AGT: variants seen among roughly 807,000 people sequenced by gnomAD.
The protein encoded by AGT is alpha-1 antiproteinase, antitrypsin.
In AGT, 26 loss-of-function variants were observed where a neutral mutation model predicts 28.1. The observed-to-expected ratio is 0.92, with a 90% CI of 0.68 to 1.28. The LOEUF is 1.28. AGT is among the 50% of genes most tolerant of loss of function. AGT has a pLI of 0.00. For synonymous variants in AGT, 259 were observed against 259.6 expected, an observed-to-expected ratio of 1.00 and a Z score of 0.02; for missense variants, 596 against 592.3, an observed-to-expected ratio of 1.01 and a Z score of -0.06.
intron 1 of AGT, among the ~76,000 whole-genome samples, chr1:230,738,642 G>A (rs1348672726): frequency 6.6e-6 from 1 of 152,148 alleles, no homozygotes; most frequent in African/African-American, 2.4e-5. Flanking sequence ...GCTGGCTAAT[G>A]CTACCTTGCC....
chr1:230,741,322 G>A (rs1017725908), intron 1 of AGT, among the ~76,000 whole-genome samples: 2 of 152,224 alleles, frequency 1.3e-5, no homozygotes, highest in East Asian at 3.9e-4. Flanking sequence ...GGCCAGAGCT[G>A]AGAGAAGCTA....
intron 1 of AGT, among the ~76,000 whole-genome samples, chr1:230,727,291 T>C (rs893017688): frequency 1.4e-4 from 21 of 152,216 alleles, no homozygotes; most frequent in Admixed American, 6.5e-5. Context: ...CCTTAACCCA[T>C]GGGTGGCCCC....
At chr1:230,704,395 G>A in intron 3 of AGT, 58 bp from the exon 4 acceptor site, 4 of 1,598,048 alleles carry the variant, frequency 2.5e-6, no homozygotes, top group Non-Finnish European at 3.4e-6. Context: ...GGCTCTCCCA[G>A]AGGCCAGGCA....
rs532745330 is a variant in AGT at position 230,739,179 on chromosome 1, G to A, written c.-31+6336C>T. On this transcript the variant is annotated intron_variant, in intron 1 of 4. Transcript: ENST00000681269. ...TCAAGACCAGTGTGGGCAACATACT[G>A]AGACTCCCTCCTCTACAGGTTTTTT... is the stretch of plus-strand genomic sequence containing the variant. 6.7e-5 allele frequency among the ~76,000 whole-genome samples: 10 copies of A among 150,006 alleles called. No homozygotes were observed. In the East Asian group the frequency reaches 2.0e-3, roughly 29 times the overall value.
intron 1 of AGT, among the ~76,000 whole-genome samples, chr1:230,724,230 T>C (rs1663895585): frequency 6.6e-6 from 1 of 152,224 alleles, no homozygotes; most frequent in East Asian, 1.9e-4. Flanking sequence ...TGGCCCTTTA[T>C]AGAAAAAGCT....
At chr1:230,738,400 C>T (rs188289223) in intron 1 of AGT, among the ~76,000 whole-genome samples, 3 of 152,356 alleles carry the variant, frequency 2.0e-5, no homozygotes, top group Admixed American at 1.3e-4. Context: ...ATGGTAGTCT[C>T]ATATGTAAAA....
intron 2 of AGT, among the ~76,000 whole-genome samples, chr1:230,709,657 G>A (rs191014873): frequency 2.6e-5 from 4 of 152,252 alleles, no homozygotes; most frequent in Admixed American, 2.0e-4. Flanking sequence ...CCCACTGGTG[G>A]CTGTGCCATC....
chr1:230,739,253 G>T (rs1664203191), intron 1 of AGT, among the ~76,000 whole-genome samples: 1 of 151,594 alleles, frequency 6.6e-6, no homozygotes, highest in Non-Finnish European at 1.5e-5. Context: ...TGCTCAGGAG[G>T]CTGAGGCAGA....
In AGT at chr1:230,703,119, A is replaced by G; in HGVS notation, c.*22T>C. The G allele has an allele frequency of 6.2e-7, 1 of 1,611,828 alleles. No individual in the cohort carries two copies. Among genetic ancestry groups the G allele is most frequent in the Non-Finnish European group, 8.5e-7 (1 of 1,179,178 alleles). ...GCCAGGGGCAGAGGCCTTGCCAGGCACTGTGTTCTGGGGCCCTGGCCTCAT... is the reference window on the plus strand; with the variant it reads ...GCCAGGGGCAGAGGCCTTGCCAGGCGCTGTGTTCTGGGGCCCTGGCCTCAT... On this transcript the variant is annotated 3_prime_UTR_variant, in exon 5 of 5. Transcript: ENST00000366667.
At chr1:230,729,027 G>A (rs182565347) in intron 1 of AGT, among the ~76,000 whole-genome samples, 13 of 152,214 alleles carry the variant, frequency 8.5e-5, no homozygotes, top group African/African-American at 3.1e-4. Flanking sequence ...ACTGAGCAAA[G>A]ACAGTCAGGT....
In AGT at chr1:230,710,210, G is replaced by T; in HGVS notation, c.614C>A (p.Ala205Asp). 1.2e-6 allele frequency: 2 copies of T among 1,613,666 alleles called. No homozygotes were observed. Among genetic ancestry groups the T allele is most frequent in the East Asian group, 2.2e-5 (1 of 44,876 alleles). ...CGGCTGCTTCAGGTGCAGGCCTGGGGCTGTGAACACGCCCACCACCGTGGA... is the reference window on the plus strand; with the variant it reads ...CGGCTGCTTCAGGTGCAGGCCTGGGTCTGTGAACACGCCCACCACCGTGGA... Reference protein sequence around the residue: ...LLSTVVGVFTAPGLHLKQPFV... With the variant: ...LLSTVVGVFTDPGLHLKQPFV... Residue 205 changes from alanine (A) to aspartate (D), a missense_variant, in exon 2 of 5, where the codon GCC becomes GAC. By Grantham distance (126) the Ala-to-Asp change is moderately radical. Transcript: ENST00000366667.
chr1:230,702,915 A>G lies in AGT; in HGVS notation c.*226T>C, dbSNP rs926471728. 3.7e-5 allele frequency: 21 copies of G among 574,704 alleles called. No homozygotes were observed. The highest frequency in any genetic ancestry group is 6.5e-5 in the Non-Finnish European group (21 of 323,928). 35.6% of individuals were successfully genotyped at this position (574,704 alleles called of 1,614,324 possible). ...TCTAAAATAAACCCAGCAAACTGGG[A>G]GGTGCATTTGTGCCGCTGCAGGCTT... is the stretch of plus-strand genomic sequence containing the variant. On this transcript the variant is annotated 3_prime_UTR_variant, in exon 5 of 5. Transcript: ENST00000366667.
Position 230,702,678 on chromosome 1 carries a change from A to T in AGT, c.*463T>A, listed in dbSNP as rs1663265982. The T allele has an allele frequency of 5.6e-6, 1 of 178,720 alleles. No homozygotes were observed. The highest frequency in any genetic ancestry group is 1.2e-5 in the Non-Finnish European group (1 of 82,022). The allele number at this position is 178,720 out of a possible 1,614,324, so 11.1% of individuals were successfully genotyped here. A position where few individuals can be genotyped will look rare whatever the true frequency, so the allele number is the denominator to read the frequency against. ...TGTGGAAAAAACTAAGGTATTACAG[A>T]CACTACACGGAGGTCATGTTCTTAC... On this transcript the variant is annotated 3_prime_UTR_variant, in exon 5 of 5. Transcript: ENST00000366667.
At chr1:230,722,044 G>A (rs1571982982) in intron 1 of AGT, among the ~76,000 whole-genome samples, 1 of 152,218 alleles carries the variant, frequency 6.6e-6, no homozygotes, top group East Asian at 1.9e-4. Flanking sequence ...GGCCTAACAG[G>A]GAAAAATGGT....
intron 1 of AGT, among the ~76,000 whole-genome samples, chr1:230,723,222 T>C (rs1362990501): frequency 6.6e-6 from 1 of 152,150 alleles, no homozygotes; most frequent in African/African-American, 2.4e-5. Context: ...TCATTGTAAG[T>C]TTCCTGAGGC....
chr1:230,719,026 C>A (rs971974698), upstream of AGT, among the ~76,000 whole-genome samples: 1 of 152,106 alleles, frequency 6.6e-6, no homozygotes, highest in Non-Finnish European at 1.5e-5. Context: ...CCATGCCTGG[C>A]CTTTATGCTT....
At chr1:230,745,390 C>G (rs1034401358) in intron 1 of AGT, among the ~76,000 whole-genome samples, 1 of 152,206 alleles carries the variant, frequency 6.6e-6, no homozygotes, top group African/African-American at 2.4e-5. Context: ...CAGGGACAGA[C>G]AGCATGGATA....
intron 1 of AGT, among the ~76,000 whole-genome samples, chr1:230,721,859 A>G (rs1466941709): frequency 6.6e-6 from 1 of 152,122 alleles, no homozygotes; most frequent in Non-Finnish European, 1.5e-5. Flanking sequence ...GAATATTTGC[A>G]TCCTGATGAT....
chr1:230,726,327 T>A (rs1200288988), intron 1 of AGT, among the ~76,000 whole-genome samples: 1 of 152,142 alleles, frequency 6.6e-6, no homozygotes, highest in African/African-American at 2.4e-5. Context: ...CTCAGTTAGT[T>A]AGGGAGCCAA....
Sources: allele counts gnomAD v4.1 joint callset (sites outside exome capture counted in the v4.1 genomes callset), GRCh38; gene constraint gnomAD v4.1.1; transcripts MANE v1.5; gene names NCBI Gene and HGNC (gene_info 2026-07-23, HGNC 2026-07-21).